Variants in KIAA0319 observed in about 807,000 individuals in gnomAD.
The protein encoded by KIAA0319 is KIAA0319.
A neutral mutation model predicts 108.4 loss-of-function variants in KIAA0319; 83 were observed. The observed-to-expected ratio is 0.77, with a 90% CI of 0.64 to 0.92. The LOEUF is 0.92. KIAA0319 is among the 40% of genes least tolerant of loss of function. The probability of loss-of-function intolerance (pLI) is 0.00; values close to 1 mark genes in which losing one functional copy is unlikely to be tolerated. For synonymous variants in KIAA0319, 484 were observed against 510.4 expected, an observed-to-expected ratio of 0.95 and a Z score of 0.70; for missense variants, 1,195 against 1,322.4, an observed-to-expected ratio of 0.90 and a Z score of 1.49.
Position 24,567,675 on chromosome 6 carries a change from C to T in KIAA0319, c.2141-927G>A, listed in dbSNP as rs76581698. Among the ~76,000 whole-genome samples the T allele has an allele frequency of 4.7e-3, 714 of 152,108 alleles. 5 individuals carry two copies. The highest frequency in any genetic ancestry group is 0.016 in the African/African-American group (673 of 41,480). ...ATGATCACAGCACAGTACTCCAGTC[C>T]GAGCAACAGAGTGAGACCCTGGGTC... On this transcript the variant is annotated intron_variant, in intron 13 of 20. Coordinates refer to ENST00000378214, the MANE Select transcript of KIAA0319 (RefSeq NM_014809.4).
chr6:24,596,661 C>T, intron 2 of KIAA0319, 43 bp from the exon 3 acceptor site: 1 of 1,535,722 alleles, frequency 6.5e-7, no homozygotes, highest in Non-Finnish European at 8.8e-7. Context: ...AGGCATATCA[C>T]AGGGAAGCAC....
chr6:24,576,824 CTGAGGTGGGAGGA>C (rs1004299679), intron 9 of KIAA0319, among the ~76,000 whole-genome samples: 2 of 151,660 alleles, frequency 1.3e-5, no homozygotes, highest in African/African-American at 4.8e-5. Flanking sequence ...ACTTGGGAGG[CTGAGGTGGGAGGA>C]TCATTTGAGC....
In KIAA0319 at chr6:24,600,003, TA is replaced by T. The variant is rs552725423; in HGVS notation, c.55+1045del. 1.5e-3 allele frequency among the ~76,000 whole-genome samples: 223 copies of T among 147,412 alleles called. 1 individual carries two copies. Among genetic ancestry groups the T allele is most frequent in the African/African-American group, 5.5e-3 (217 of 39,664 alleles). On this transcript the variant is annotated intron_variant, in intron 2 of 20. Coordinates refer to ENST00000378214, the MANE Select transcript of KIAA0319 (RefSeq NM_014809.4). ...CAATTCAATTGGTTTTTTTCCAAAA[TA>T]AACCCTCAGCTAGTTCTGCCAACTG... is the stretch of plus-strand genomic sequence containing the variant.
intron 13 of KIAA0319, among the ~76,000 whole-genome samples, chr6:24,567,266 C>T (rs1764033604): frequency 6.6e-6 from 1 of 152,084 alleles, no homozygotes; most frequent in African/African-American, 2.4e-5. Context: ...CTTTAGGAGG[C>T]CAAAGCAGGA....
chr6:24,581,341 C>T (rs1766512295), intron 6 of KIAA0319, among the ~76,000 whole-genome samples: 1 of 152,110 alleles, frequency 6.6e-6, no homozygotes, highest in Non-Finnish European at 1.5e-5. Flanking sequence ...GCATTGGTTG[C>T]CGGTGGTCTG....
Position 24,594,146 on chromosome 6 carries a change from C to CCAAGA in KIAA0319, c.801+1722_801+1726dup, listed in dbSNP as rs1258177043. ...CCTGGGCAGCGGAGGTTGCAGTAAG[C>CCAAGA]CAAGACCATGCCACTGCACTCCAGC... On this transcript the variant is annotated intron_variant, in intron 3 of 20. Transcript: ENST00000378214. 5.0e-5 allele frequency among the ~76,000 whole-genome samples: 6 copies of CCAAGA among 120,428 alleles called. No homozygotes were observed. The East Asian group carries it at 1.5e-3, about 29-fold the overall frequency. 79.0% of individuals were successfully genotyped at this position (120,428 alleles called of 152,430 possible).
chr6:24,576,731 G>A, intron 9 of KIAA0319, 135 bp from the exon 10 acceptor site: 1 of 694,898 alleles, frequency 1.4e-6, no homozygotes, highest in South Asian at 1.7e-5. Flanking sequence ...GACCAGCTGG[G>A]CCATAGAAGG....
rs1774342718 is a variant in KIAA0319 at position 24,624,017 on chromosome 6, C to CTTTTCTTTTTTTTTTTT, written c.-106+21718_-106+21719insAAAAAAAAAAAAGAAAA. ...AAATAATTTTGAATTTCTTTGTTTT[C>CTTTTCTTTTTTTTTTTT]TTTTTTTTTTTTTTTTTTTTTTTTT... On this transcript the variant is annotated intron_variant, in intron 1 of 20. Coordinates refer to ENST00000378214, the MANE Select transcript of KIAA0319 (RefSeq NM_014809.4). Among the ~76,000 whole-genome samples the CTTTTCTTTTTTTTTTTT allele has an allele frequency of 1.4e-4, 7 of 50,538 alleles. 2 individuals are homozygous for CTTTTCTTTTTTTTTTTT. Among genetic ancestry groups the CTTTTCTTTTTTTTTTTT allele is most frequent in the African/African-American group, 3.8e-4 (4 of 10,448 alleles). 33.2% of individuals were successfully genotyped at this position (50,538 alleles called of 152,430 possible). A position where few individuals can be genotyped will look rare whatever the true frequency, so the allele number is the denominator to read the frequency against.
At chr6:24,553,678 G>C (rs978379157) in intron 19 of KIAA0319, among the ~76,000 whole-genome samples, 2 of 152,182 alleles carry the variant, frequency 1.3e-5, no homozygotes, top group Admixed American at 6.5e-5. Context: ...GACAGGCCTT[G>C]CTGGGCTTCC....
chr6:24,558,588 G>C (rs962125782), intron 17 of KIAA0319, among the ~76,000 whole-genome samples: 1 of 152,182 alleles, frequency 6.6e-6, no homozygotes, highest in Non-Finnish European at 1.5e-5. Flanking sequence ...GGTGAGCATG[G>C]AGCTAAGAAA....
At chr6:24,636,769 T>C (rs1776258381) in intron 1 of KIAA0319, among the ~76,000 whole-genome samples, 1 of 152,182 alleles carries the variant, frequency 6.6e-6, no homozygotes, top group Non-Finnish European at 1.5e-5. Context: ...TTGTTTATGC[T>C]CTTATTTATT....
At chr6:24,575,152 A>G (rs1054226994) in intron 10 of KIAA0319, among the ~76,000 whole-genome samples, 1 of 152,234 alleles carries the variant, frequency 6.6e-6, no homozygotes, top group African/African-American at 2.4e-5. Context: ...TCCTTTGGAC[A>G]TCTTAATCAA....
chr6:24,641,398 A>G (rs975087823), intron 1 of KIAA0319, among the ~76,000 whole-genome samples: 2 of 152,256 alleles, frequency 1.3e-5, no homozygotes, highest in Non-Finnish European at 2.9e-5. Flanking sequence ...ATTAAAGGAT[A>G]CCACTTGCGA....
intron 1 of KIAA0319, among the ~76,000 whole-genome samples, chr6:24,627,640 A>G (rs2127580388): frequency 6.6e-6 from 1 of 152,332 alleles, no homozygotes; most frequent in South Asian, 2.1e-4. Context: ...AGCAGAATAA[A>G]GAAATGAACA....
downstream of KIAA0319, among the ~76,000 whole-genome samples, chr6:24,540,986 ATAGT>A: frequency 6.6e-6 from 1 of 152,298 alleles, no homozygotes; most frequent in Non-Finnish European, 1.5e-5. Flanking sequence ...GATCACATCA[ATAGT>A]TAGATTTGTG....
At chr6:24,609,277 AAAAAAAAAAAAAG>A (rs1412452424) in intron 1 of KIAA0319, among the ~76,000 whole-genome samples, 5 of 148,040 alleles carry the variant, frequency 3.4e-5, no homozygotes, top group Admixed American at 1.3e-4. Context: ...CAAAAACAAA[AAAAAAAAAAAAAG>A]AAAAAAAAAA....
intron 18 of KIAA0319, among the ~76,000 whole-genome samples, chr6:24,556,330 G>A (rs551999224): frequency 4.0e-5 from 6 of 151,860 alleles, no homozygotes; most frequent in East Asian, 1.9e-4. Flanking sequence ...ACAGGCACAC[G>A]CAACCACACT....
intron 19 of KIAA0319, among the ~76,000 whole-genome samples, chr6:24,552,203 G>A (rs991082937): frequency 2.0e-5 from 3 of 152,184 alleles, no homozygotes; most frequent in African/African-American, 7.2e-5. Context: ...TTTAGCACTT[G>A]CTAGCTGGTG....
rs1452358179 is a variant in KIAA0319, at chr6:24,588,730, G to A, written c.857C>T (p.Thr286Ile). The A allele has an allele frequency of 6.2e-7, 1 of 1,613,798 alleles. No individual in the cohort carries two copies. Among genetic ancestry groups the A allele is most frequent in the African/African-American group, 1.3e-5 (1 of 74,824 alleles). The change falls in exon 4 of 21, where the codon ACC becomes ATC. Residue 286 changes from threonine (T) to isoleucine (I), a missense_variant. Coordinates refer to ENST00000378214, the MANE Select transcript of KIAA0319 (RefSeq NM_014809.4). ...TGTGAGCACTGGGCTTTTCTCCACGGTGACTGAGCTGAGCTCCAGGCTTGC... is the reference window on the plus strand; with the variant it reads ...TGTGAGCACTGGGCTTTTCTCCACGATGACTGAGCTGAGCTCCAGGCTTGC... ...PPASLELSSV[T>I]VEKSPVLTVT...
Sources: allele counts gnomAD v4.1 joint callset (sites outside exome capture counted in the v4.1 genomes callset), GRCh38; gene constraint gnomAD v4.1.1; transcripts MANE v1.5; gene names NCBI Gene and HGNC (gene_info 2026-07-23, HGNC 2026-07-21).